Variants in CENPW observed in about 807,000 individuals in gnomAD.
CENPW encodes cancer-up-regulated gene 2 protein.
A neutral mutation model predicts 11.1 loss-of-function variants in CENPW; 3 were observed. The observed-to-expected ratio is 0.27, with a 90% CI of 0.12 to 0.70. The LOEUF (loss-of-function observed/expected upper bound fraction) is 0.70. Among genes scored for constraint, CENPW ranks in the 30% least tolerant of loss-of-function variants. CENPW has a pLI of 0.77. For missense variants in CENPW, 100 were observed against 105.6 expected, an observed-to-expected ratio of 0.95 and a Z score of 0.23; for synonymous variants, 38 against 42.0, an observed-to-expected ratio of 0.91 and a Z score of 0.37.
the CENPW span, among the ~76,000 whole-genome samples, chr6:126,429,118 AAAT>A: frequency 1.3e-5 from 2 of 152,118 alleles, no homozygotes; most frequent in African/African-American, 4.8e-5. Flanking sequence ...TTTTACTAGT[AAAT>A]AATGTCTTGA....
At chr6:126,410,456 A>G in the CENPW span, among the ~76,000 whole-genome samples, 15 of 151,764 alleles carry the variant, frequency 9.9e-5, no homozygotes, top group Non-Finnish European at 1.5e-4. Flanking sequence ...TGACAATTTG[A>G]CTATTTTGTG....
the CENPW span, among the ~76,000 whole-genome samples, chr6:126,458,343 T>C: frequency 6.6e-6 from 1 of 151,290 alleles, no homozygotes; most frequent in African/African-American, 2.4e-5. Context: ...GTCAAACTGC[T>C]CTCTCACTCT....
At chr6:126,370,958 G>A in the CENPW span, among the ~76,000 whole-genome samples, 95 of 151,962 alleles carry the variant, frequency 6.3e-4, no homozygotes, top group African/African-American at 2.1e-3. Flanking sequence ...AGTAGAGCTG[G>A]GGTTTCACCA....
the CENPW span, among the ~76,000 whole-genome samples, chr6:126,452,052 G>C: frequency 3.3e-5 from 5 of 151,004 alleles, no homozygotes; most frequent in Admixed American, 6.6e-5. Flanking sequence ...AAATGCAAAG[G>C]CTTTGACAAC....
chr6:126,435,260 T>C, the CENPW span, among the ~76,000 whole-genome samples: 1 of 151,966 alleles, frequency 6.6e-6, no homozygotes, highest in African/African-American at 2.4e-5. Context: ...TTAATAACTC[T>C]TTCAAAAGTG....
At chr6:126,426,499 T>C in the CENPW span, among the ~76,000 whole-genome samples, 2 of 152,116 alleles carry the variant, frequency 1.3e-5, no homozygotes, top group East Asian at 3.9e-4. Flanking sequence ...AGCTGGAAGA[T>C]ATGAATCAAT....
the CENPW span, among the ~76,000 whole-genome samples, chr6:126,440,008 G>A: frequency 6.6e-6 from 1 of 151,576 alleles, no homozygotes; most frequent in African/African-American, 2.4e-5. Context: ...ATTATGAAAT[G>A]TCTAAGTTAG....
At chr6:126,444,821 T>G in the CENPW span, among the ~76,000 whole-genome samples, 1 of 151,252 alleles carries the variant, frequency 6.6e-6, no homozygotes, top group African/African-American at 2.4e-5. Context: ...TGATTTTAAA[T>G]GAAAAGGATT....
Position 126,346,302 on chromosome 6 carries a change from T to C in CENPW, c.224T>C (p.Val75Ala). 6.3e-7 allele frequency: 1 copy of C among 1,596,878 alleles called. No individual in the cohort carries two copies. Among genetic ancestry groups the C allele is most frequent in the Non-Finnish European group, 8.6e-7 (1 of 1,167,672 alleles). The change falls in exon 2 of 3, where the codon GTA (valine) becomes GCA (alanine). Residue 75 changes from valine (V) to alanine (A), a missense_variant. By Grantham distance (64) the Val-to-Ala change is moderately conservative. Coordinates refer to ENST00000368328, the MANE Select transcript of CENPW (RefSeq NM_001012507.4). ...TGTAGAGTCATTAACAAGGAGCATG[T>C]ACTGGCCGCAGCAAAGGTAAAATCC... ...SKCRVINKEH[V>A]LAAAKVILKK...
At chr6:126,362,302 G>C in the CENPW span, among the ~76,000 whole-genome samples, 1 of 152,164 alleles carries the variant, frequency 6.6e-6, no homozygotes, top group Admixed American at 6.5e-5. Flanking sequence ...GGCCCTGTCT[G>C]CTTACTCCCT....
chr6:126,443,211 T>C, the CENPW span, among the ~76,000 whole-genome samples: 1 of 151,286 alleles, frequency 6.6e-6, no homozygotes, highest in Non-Finnish European at 1.5e-5. Flanking sequence ...GTATACATAT[T>C]ACAATTTTTT....
At chr6:126,408,259 G>C in the CENPW span, among the ~76,000 whole-genome samples, 1 of 152,092 alleles carries the variant, frequency 6.6e-6, no homozygotes, top group South Asian at 2.1e-4. Flanking sequence ...CTGGGTAATT[G>C]ATAAAGAAAA....
At chr6:126,467,664 T>C in the CENPW span, among the ~76,000 whole-genome samples, 1 of 152,252 alleles carries the variant, frequency 6.6e-6, no homozygotes, top group South Asian at 2.1e-4. Flanking sequence ...ATGTGGGAGA[T>C]GAGACAAATC....
the CENPW span, among the ~76,000 whole-genome samples, chr6:126,473,864 C>T: frequency 6.8e-6 from 1 of 147,674 alleles, no homozygotes; most frequent in Non-Finnish European, 1.5e-5. Flanking sequence ...ATATGCACAG[C>T]ATAGATATAT....
chr6:126,370,767 T>C, the CENPW span, among the ~76,000 whole-genome samples: 1 of 151,652 alleles, frequency 6.6e-6, no homozygotes, highest in African/African-American at 2.4e-5. Flanking sequence ...TTTTTTTTTT[T>C]CTTGAGATGG....
chr6:126,451,871 A>G, the CENPW span, among the ~76,000 whole-genome samples: 1 of 151,118 alleles, frequency 6.6e-6, no homozygotes, highest in Non-Finnish European at 1.5e-5. Context: ...GCTCAGGGAA[A>G]TGAGTCCACA....
chr6:126,361,028 C>T, the CENPW span, among the ~76,000 whole-genome samples: 1 of 152,180 alleles, frequency 6.6e-6, no homozygotes, highest in Non-Finnish European at 1.5e-5. Context: ...CTGATTCTTT[C>T]TCATCTGGAG....
chr6:126,435,047 C>A, the CENPW span, among the ~76,000 whole-genome samples: 61 of 151,992 alleles, frequency 4.0e-4, no homozygotes, highest in South Asian at 3.7e-3. Context: ...TAAAAATATT[C>A]CTTATAATGT....
the CENPW span, among the ~76,000 whole-genome samples, chr6:126,368,156 A>T: frequency 5.9e-5 from 9 of 152,320 alleles, no homozygotes; most frequent in East Asian, 1.4e-3. Context: ...TAGTTGAAAG[A>T]TAACTATTGC....
Sources: gnomAD v4.1 joint callset for allele counts (sites outside exome capture counted in the v4.1 genomes callset) on GRCh38, gnomAD v4.1.1 for gene constraint, MANE v1.5 for transcripts, NCBI Gene and HGNC (gene_info 2026-07-23, HGNC 2026-07-21) for gene names.